The following ZBTB7C variants were observed in gnomAD, a reference collection of about 807,000 sequenced individuals.
ZBTB7C encodes zinc finger and BTB domain-containing protein 7C.
ZBTB7C carries 8 observed loss-of-function variants against 25.7 expected under a neutral mutation model. The observed-to-expected ratio is 0.31, with a 90% CI of 0.18 to 0.56. The LOEUF (loss-of-function observed/expected upper bound fraction) is 0.56. Ranked by LOEUF, ZBTB7C falls within the 20% of genes least tolerant of loss-of-function variation. The probability of loss-of-function intolerance (pLI) is 0.91; values close to 1 mark genes in which losing one functional copy is unlikely to be tolerated. For synonymous variants in ZBTB7C, 394 were observed against 369.0 expected, an observed-to-expected ratio of 1.07 and a Z score of -0.78; for missense variants, 824 against 855.2, an observed-to-expected ratio of 0.96 and a Z score of 0.46.
At chr18:48,395,650 A>T (rs1451790806) in intron 1 of ZBTB7C, among the ~76,000 whole-genome samples, 1 of 152,080 alleles carries the variant, frequency 6.6e-6, no homozygotes, top group Non-Finnish European at 1.5e-5. Context: ...CGGGAAGGAG[A>T]GCTCAGTCAC....
In ZBTB7C at chr18:48,389,216, CTCTCTCTCTCTCTCTCTCTCGTGT is replaced by C. The variant is rs1568418099; in HGVS notation, c.-304+19986_-304+20009del. Among the ~76,000 whole-genome samples, 11 of 126,792 alleles carry C rather than the reference CTCTCTCTCTCTCTCTCTCTCGTGT, an allele frequency of 8.7e-5. No homozygotes were observed. The East Asian group carries it at 1.1e-3, about 12-fold the overall frequency. 83.2% of individuals were successfully genotyped at this position (126,792 alleles called of 152,430 possible). A position where few individuals can be genotyped will look rare whatever the true frequency, so the allele number is the denominator to read the frequency against. ...TCTCTCTCTCTCTCTCTCTCTCTCT[CTCTCTCTCTCTCTCTCTCTCGTGT>C]GTGTGTGTGTGTGTGTGTGTGTGTG... On this transcript the variant is annotated intron_variant, in intron 1 of 4. Transcript: ENST00000590800.
chr18:48,299,967 C>T (rs2045501717), intron 2 of ZBTB7C, among the ~76,000 whole-genome samples: 1 of 152,176 alleles, frequency 6.6e-6, no homozygotes, highest in African/African-American at 2.4e-5. Context: ...GCAGAGCTCC[C>T]CAAATGACAA....
upstream of ZBTB7C, among the ~76,000 whole-genome samples, chr18:48,412,331 T>C (rs942284338): frequency 2.6e-5 from 4 of 152,238 alleles, no homozygotes; most frequent in Admixed American, 6.5e-5. Flanking sequence ...GGAATTAACA[T>C]TTACAGAGCT....
At chr18:48,350,662 G>C (rs1355536423) in intron 1 of ZBTB7C, 1 of 107,048 alleles carries the variant, frequency 9.3e-6, no homozygotes, top group East Asian at 7.4e-4. Context: ...AGATTGAAAA[G>C]GTGCCCTTCC....
At chr18:48,198,402 A>G (rs142037624) in intron 2 of ZBTB7C, among the ~76,000 whole-genome samples, 214 of 152,322 alleles carry the variant, frequency 1.4e-3, no homozygotes, top group Middle Eastern at 3.4e-3. Context: ...GCATAAGACA[A>G]CACAGATTTC....
chr18:48,196,385 A>G (rs1487152597), intron 2 of ZBTB7C, among the ~76,000 whole-genome samples: 1 of 152,208 alleles, frequency 6.6e-6, no homozygotes, highest in Non-Finnish European at 1.5e-5. Flanking sequence ...TTAGTAACAG[A>G]CAACAGCCAA....
chr18:48,320,787 A>G (rs2046072232), intron 2 of ZBTB7C, among the ~76,000 whole-genome samples: 1 of 152,206 alleles, frequency 6.6e-6, no homozygotes, highest in South Asian at 2.1e-4. Context: ...ACCCCGGCTC[A>G]GGCGGCCACC....
At chr18:48,313,334 T>G (rs1271002211) in intron 2 of ZBTB7C, among the ~76,000 whole-genome samples, 1 of 152,146 alleles carries the variant, frequency 6.6e-6, no homozygotes, top group Non-Finnish European at 1.5e-5. Flanking sequence ...AGACAGAAGT[T>G]GCTAAGAGTG....
chr18:48,137,448 A>T, intron 3 of ZBTB7C: 1 of 362,654 alleles, frequency 2.8e-6, no homozygotes, highest in Non-Finnish European at 3.8e-6. Flanking sequence ...ACTTCACAAA[A>T]TGACTTACCA....
chr18:48,110,564 T>C (rs2039203077), intron 3 of ZBTB7C, among the ~76,000 whole-genome samples: 2 of 152,218 alleles, frequency 1.3e-5, no homozygotes, highest in Admixed American at 1.3e-4. Context: ...TAATTATGAT[T>C]CTTAATCACT....
At chr18:48,109,036 G>A (rs2039137486) in intron 3 of ZBTB7C, among the ~76,000 whole-genome samples, 1 of 152,140 alleles carries the variant, frequency 6.6e-6, no homozygotes, top group South Asian at 2.1e-4. Context: ...GCTGAAGCAG[G>A]GAGACTTCCT....
intron 2 of ZBTB7C, among the ~76,000 whole-genome samples, chr18:48,310,178 C>T (rs1234052127): frequency 1.3e-5 from 2 of 151,052 alleles, no homozygotes; most frequent in Non-Finnish European, 1.5e-5. Context: ...TGCAGTGAGC[C>T]GAGATCACGC....
At chr18:48,179,904 TCCTTCCTC>T (rs1278924888) in intron 3 of ZBTB7C, among the ~76,000 whole-genome samples, 8 of 144,028 alleles carry the variant, frequency 5.6e-5, no homozygotes, top group African/African-American at 7.9e-5. Flanking sequence ...TATTTCTCCT[TCCTTCCTC>T]CCTTCCTTCC....
Position 48,040,924 on chromosome 18 carries a change from G to C in ZBTB7C, c.184C>G (p.Leu62Val). 6.2e-7 allele frequency: 1 copy of C among 1,614,186 alleles called. No individual in the cohort carries two copies. The highest frequency in any genetic ancestry group is 1.3e-5 in the African/African-American group (1 of 75,048). ...CTGGCTAGGGTGCCGGCTGTGAAAA[G>C]CTTCTTGAAGTACTTGCTGCAGGCA... The part of the protein sequence containing the change: ...LAACSKYFKK[L>V]FTAGTLASQP... The change falls in exon 4 of 5, where the codon CTT (leucine) becomes GTT (valine). Residue 62 changes from leucine to valine, a missense_variant. Coordinates refer to ENST00000590800, the MANE Select transcript of ZBTB7C (RefSeq NM_001318841.2).
intron 3 of ZBTB7C, among the ~76,000 whole-genome samples, chr18:48,044,150 C>A (rs1465182411): frequency 6.6e-6 from 1 of 152,216 alleles, no homozygotes; most frequent in Admixed American, 6.5e-5. Context: ...TATTGACAAA[C>A]CATTCCACTT....
chr18:48,361,337 A>C (rs900313303), intron 1 of ZBTB7C, among the ~76,000 whole-genome samples: 1 of 152,194 alleles, frequency 6.6e-6, no homozygotes, highest in African/African-American at 2.4e-5. Context: ...CCAGTTTGAC[A>C]GACGAGGAAG....
At chr18:48,143,226 C>T (rs933927552) in intron 3 of ZBTB7C, among the ~76,000 whole-genome samples, 1 of 152,140 alleles carries the variant, frequency 6.6e-6, no homozygotes, top group Admixed American at 6.5e-5. Flanking sequence ...CCTGAGGTCA[C>T]ACTGGGAGCA....
intron 2 of ZBTB7C, among the ~76,000 whole-genome samples, chr18:48,218,813 C>T (rs1176777685): frequency 1.3e-5 from 2 of 152,176 alleles, no homozygotes; most frequent in East Asian, 3.9e-4. Context: ...CAGCTCCATC[C>T]ACCACTAGCC....
intron 3 of ZBTB7C, among the ~76,000 whole-genome samples, chr18:48,156,710 C>T (rs1272002585): frequency 2.0e-5 from 3 of 152,202 alleles, no homozygotes; most frequent in Non-Finnish European, 4.4e-5. Flanking sequence ...TGTCCATTTC[C>T]ATCATTATAC....
Sources: gnomAD v4.1 joint callset for allele counts (sites outside exome capture counted in the v4.1 genomes callset) on GRCh38, gnomAD v4.1.1 for gene constraint, MANE v1.5 for transcripts, NCBI Gene and HGNC (gene_info 2026-07-23, HGNC 2026-07-21) for gene names.